CNTN5: variants seen among roughly 807,000 people sequenced by gnomAD.
CNTN5 encodes contactin 5.
CNTN5 carries 77 observed loss-of-function variants against 129.1 expected under a neutral mutation model. That is an observed-to-expected ratio of 0.60 (90% confidence interval 0.50 to 0.72). The LOEUF (loss-of-function observed/expected upper bound fraction) is 0.72, where lower values mean the gene tolerates loss of function less well. Ranked by LOEUF, CNTN5 falls within the 30% of genes least tolerant of loss-of-function variation. The probability of loss-of-function intolerance (pLI) is 0.00; values close to 1 mark genes in which losing one functional copy is unlikely to be tolerated. For synonymous variants in CNTN5, 509 were observed against 465.6 expected (o/e 1.09, Z -1.20); for missense variants, 1,478 against 1,328.8 (o/e 1.11, Z -1.75).
chr11:99,167,663 G>A (rs912833759), intron 1 of CNTN5, among the ~76,000 whole-genome samples: 2 of 152,040 alleles, frequency 1.3e-5, no homozygotes, highest in African/African-American at 4.8e-5. Flanking sequence ...CAAGGATGGG[G>A]TTTTGTGAGT....
chr11:99,815,143 A>C (rs1413791056), intron 3 of CNTN5, among the ~76,000 whole-genome samples: 1 of 152,184 alleles, frequency 6.6e-6, no homozygotes, highest in Non-Finnish European at 1.5e-5. Flanking sequence ...GGGTGGGGAC[A>C]CAAAGTCTAA....
intron 21 of CNTN5, among the ~76,000 whole-genome samples, chr11:100,332,296 C>T (rs193134126): frequency 1.4e-4 from 21 of 151,818 alleles, no homozygotes; most frequent in East Asian, 3.9e-4. Context: ...AAATATAGAA[C>T]GTCTGAACAG....
intron 1 of CNTN5, among the ~76,000 whole-genome samples, chr11:99,072,442 T>C (rs1348341713): frequency 6.6e-6 from 1 of 152,156 alleles, no homozygotes; most frequent in Non-Finnish European, 1.5e-5. Context: ...AAAATTATGA[T>C]TGATATAAAT....
In CNTN5 at chr11:99,873,127, T is replaced by C. The variant is rs17134584; in HGVS notation, c.577+27865T>C. On this transcript the variant is annotated intron_variant, in intron 6 of 24. Coordinates refer to ENST00000524871, the MANE Select transcript of CNTN5 (RefSeq NM_014361.4). Reference sequence around the variant, plus strand: ...CAGGAGCTAGAATTTCGGCGATAGTTTCAGTAGCTGTGCCACATCCCAATC... The same window carrying C: ...CAGGAGCTAGAATTTCGGCGATAGTCTCAGTAGCTGTGCCACATCCCAATC... 7.3e-3 allele frequency among the ~76,000 whole-genome samples: 1,112 copies of C among 152,160 alleles called. 61 individuals are homozygous for C. In the East Asian group the frequency reaches 0.12, roughly 17 times the overall value.
At chr11:99,756,686 A>G (rs148821967) in intron 3 of CNTN5, among the ~76,000 whole-genome samples, 14 of 152,214 alleles carry the variant, frequency 9.2e-5, no homozygotes, top group Non-Finnish European at 1.8e-4. Flanking sequence ...CAAGTTATTT[A>G]AACTTTACAA....
At chr11:100,225,146 A>C (rs1457730403) in intron 16 of CNTN5, 1 of 160,346 alleles carries the variant, frequency 6.2e-6, no homozygotes, top group Non-Finnish European at 1.4e-5. Context: ...GTGTGTGTAT[A>C]TATGTTTTGC....
intron 1 of CNTN5, among the ~76,000 whole-genome samples, chr11:99,232,254 T>C (rs1861042466): frequency 6.6e-6 from 1 of 152,244 alleles, no homozygotes. Flanking sequence ...ACAGCCATTT[T>C]CATGATATTG....
At chr11:100,112,729 A>C (rs1344286333) in intron 13 of CNTN5, among the ~76,000 whole-genome samples, 1 of 152,324 alleles carries the variant, frequency 6.6e-6, no homozygotes, top group East Asian at 1.9e-4. Context: ...GAGATTGATA[A>C]AATGGCACAA....
intron 2 of CNTN5, among the ~76,000 whole-genome samples, chr11:99,509,257 T>A (rs1327104041): frequency 6.6e-6 from 1 of 152,090 alleles, no homozygotes; most frequent in Non-Finnish European, 1.5e-5. Context: ...AAAAGCAGAG[T>A]TGTCATTCTT....
At chr11:99,199,809 TCA>T (rs1053410567) in intron 1 of CNTN5, among the ~76,000 whole-genome samples, 2 of 152,188 alleles carry the variant, frequency 1.3e-5, no homozygotes, top group African/African-American at 4.8e-5. Context: ...AACTGCAAAG[TCA>T]CACAGCAAAG....
chr11:100,255,009 G>C (rs1944187), intron 16 of CNTN5, among the ~76,000 whole-genome samples: 2 of 152,040 alleles, frequency 1.3e-5, no homozygotes, highest in South Asian at 2.1e-4. Context: ...GTTATAATTC[G>C]TTCTTAAAGA....
chr11:100,232,585 A>G (rs1949513087), intron 16 of CNTN5, among the ~76,000 whole-genome samples: 2 of 152,242 alleles, frequency 1.3e-5, no homozygotes, highest in South Asian at 4.1e-4. Flanking sequence ...ACTGGGTCAC[A>G]TACCCACAAG....
intron 1 of CNTN5, among the ~76,000 whole-genome samples, chr11:99,242,819 T>A (rs1041846251): frequency 1.3e-5 from 2 of 152,154 alleles, no homozygotes; most frequent in Non-Finnish European, 2.9e-5. Context: ...ATGATCTTGT[T>A]CTTTTTCATG....
chr11:99,398,743 T>G (rs1941652987), intron 2 of CNTN5, among the ~76,000 whole-genome samples: 1 of 151,944 alleles, frequency 6.6e-6, no homozygotes. Context: ...TGTTTATCAA[T>G]TTTTTTACTT....
intron 3 of CNTN5, among the ~76,000 whole-genome samples, chr11:99,759,801 G>C (rs188908659): frequency 6.6e-6 from 1 of 152,020 alleles, no homozygotes; most frequent in Non-Finnish European, 1.5e-5. Flanking sequence ...GCATTTAAAA[G>C]AAAGAAAACT....
chr11:99,799,257 T>A (rs1946041402), intron 3 of CNTN5, among the ~76,000 whole-genome samples: 1 of 151,716 alleles, frequency 6.6e-6, no homozygotes, highest in Non-Finnish European at 1.5e-5. Context: ...TCTGCTTGAT[T>A]ACTCTGGCTA....
chr11:99,036,471 T>A (rs1458101390), intron 1 of CNTN5, among the ~76,000 whole-genome samples: 3 of 152,192 alleles, frequency 2.0e-5, no homozygotes, highest in Non-Finnish European at 4.4e-5. Flanking sequence ...TTGATAAAGT[T>A]ATACATGATT....
At chr11:100,239,277 T>C (rs1949687938) in intron 16 of CNTN5, among the ~76,000 whole-genome samples, 1 of 152,106 alleles carries the variant, frequency 6.6e-6, no homozygotes, top group Non-Finnish European at 1.5e-5. Context: ...CAAGAAGATA[T>C]AATTGAGTAA....
intron 3 of CNTN5, among the ~76,000 whole-genome samples, chr11:99,805,919 A>G (rs878974234): frequency 6.6e-6 from 1 of 152,188 alleles, no homozygotes; most frequent in Non-Finnish European, 1.5e-5. Flanking sequence ...TGTGTTCAGC[A>G]CTAAGCTGTT....
Sources: allele counts gnomAD v4.1 joint callset (sites outside exome capture counted in the v4.1 genomes callset), GRCh38; gene constraint gnomAD v4.1.1; transcripts MANE v1.5; gene names NCBI Gene and HGNC (gene_info 2026-07-23, HGNC 2026-07-21).